TMTC1: variants seen among roughly 807,000 people sequenced by gnomAD.
TMTC1 encodes protein O-mannosyl-transferase TMTC1.
TMTC1 carries 73 observed loss-of-function variants against 104.8 expected under a neutral mutation model. The ratio of observed to expected loss-of-function variants is 0.70; its 90% CI spans 0.58 to 0.85. The LOEUF is 0.85. Among genes scored for constraint, TMTC1 ranks in the 40% least tolerant of loss-of-function variants. TMTC1 has a pLI of 0.00. For synonymous variants in TMTC1, 434 were observed against 428.7 expected (o/e 1.01, Z -0.15); for missense variants, 1,035 against 1,096.1 (o/e 0.94, Z 0.79).
At chr12:29,512,322 C>T (rs1424649588) in intron 16 of TMTC1, among the ~76,000 whole-genome samples, 1 of 152,158 alleles carries the variant, frequency 6.6e-6, no homozygotes, top group Non-Finnish European at 1.5e-5. Context: ...TGTATAATTT[C>T]CCTGCAGAGC....
At chr12:29,733,402 C>T (rs1346001114) in intron 5 of TMTC1, among the ~76,000 whole-genome samples, 1 of 152,154 alleles carries the variant, frequency 6.6e-6, no homozygotes, top group African/African-American at 2.4e-5. Context: ...GTGACTTAAT[C>T]ACCTATGAGA....
At chr12:29,736,261 CAA>C (rs367958905) in intron 5 of TMTC1, among the ~76,000 whole-genome samples, 9,105 of 88,534 alleles carry the variant, frequency 0.1, 590 homozygotes, top group African/African-American at 0.23. Flanking sequence ...TAGGTAAAGC[CAA>C]AAAAAAAAAA....
At chr12:29,777,905 T>C (rs1432102610) in intron 1 of TMTC1, among the ~76,000 whole-genome samples, 2 of 152,182 alleles carry the variant, frequency 1.3e-5, no homozygotes, top group African/African-American at 4.8e-5. Context: ...AGAAGTTGAA[T>C]GAAAAGGAAT....
chr12:29,571,211 A>G lies in TMTC1; in HGVS notation c.1532+894T>C, dbSNP rs532709530. The stretch of plus-strand genomic sequence containing the variant: ...TTCTGTGAGCATCATAGTATTTAAT[A>G]AAAGAGAGGATTAACCTTGCTTTAT... On this transcript the variant is annotated intron_variant, in intron 9 of 17. Transcript: ENST00000539277. Among the ~76,000 whole-genome samples the G allele has an allele frequency of 8.5e-5, 13 of 152,296 alleles. No homozygotes were observed. The South Asian group carries it at 2.5e-3, about 29-fold the overall frequency.
chr12:29,533,257 C>A (rs1435514925), intron 11 of TMTC1: 1 of 152,082 alleles, frequency 6.6e-6, no homozygotes, highest in African/African-American at 2.4e-5. Flanking sequence ...CTACTTTGCG[C>A]GAACAGATTA....
intron 6 of TMTC1, among the ~76,000 whole-genome samples, chr12:29,630,784 G>A (rs1938256181): frequency 6.6e-6 from 1 of 152,202 alleles, no homozygotes; most frequent in Non-Finnish European, 1.5e-5. Context: ...TTCAGTAGGT[G>A]GAGATAGGTA....
At chr12:29,690,809 A>G (rs1174579990) in intron 5 of TMTC1, among the ~76,000 whole-genome samples, 2 of 152,266 alleles carry the variant, frequency 1.3e-5, no homozygotes, top group East Asian at 3.8e-4. Flanking sequence ...GCATTCAGTA[A>G]TTGATTTAAG....
At chr12:29,602,175 TTC>T (rs1946585377) in intron 7 of TMTC1, among the ~76,000 whole-genome samples, 1 of 151,952 alleles carries the variant, frequency 6.6e-6, no homozygotes, top group South Asian at 2.1e-4. Flanking sequence ...CAGGGTCTGG[TTC>T]TGTCACCCAG....
chr12:29,774,907 T>G (rs1943673340), intron 1 of TMTC1, among the ~76,000 whole-genome samples: 1 of 152,130 alleles, frequency 6.6e-6, no homozygotes, highest in Admixed American at 6.5e-5. Context: ...TGAAGCAAAA[T>G]TCATGGCTTT....
chr12:29,505,498 A>AAACTT lies in TMTC1; in HGVS notation c.*1343_*1347dup, dbSNP rs1943677524. Reference sequence around the variant, plus strand: ...ACACAAAGTTTGGGAGGGACTGTTAAAACTTAACTATTTTACAATTTAGAT... The same window carrying AAACTT: ...ACACAAAGTTTGGGAGGGACTGTTAAAACTTAACTTAACTATTTTACAATTTAGAT... On this transcript the variant is annotated 3_prime_UTR_variant, in exon 18 of 18. Coordinates refer to ENST00000539277, the MANE Select transcript of TMTC1 (RefSeq NM_001193451.2). 2.0e-5 allele frequency: 3 copies of AAACTT among 152,214 alleles called. No individual in the cohort carries two copies. The highest frequency in any genetic ancestry group is 7.2e-5 in the African/African-American group (3 of 41,454). 9.4% of individuals were successfully genotyped at this position (152,214 alleles called of 1,614,324 possible).
chr12:29,522,584 G>A (rs299430), intron 11 of TMTC1, among the ~76,000 whole-genome samples: 102,145 of 150,978 alleles, frequency 0.68, 35,029 homozygotes, highest in Non-Finnish European at 0.7. Flanking sequence ...GTGTGTGTGT[G>A]TGTAATGAAG....
intron 11 of TMTC1, among the ~76,000 whole-genome samples, chr12:29,531,729 C>T (rs148137460): frequency 1.3e-5 from 2 of 152,316 alleles, no homozygotes; most frequent in East Asian, 3.9e-4. Flanking sequence ...ATCTTCTGTT[C>T]TCAGTTTTCT....
At chr12:29,572,950 G>A (rs1440246113) in intron 8 of TMTC1, among the ~76,000 whole-genome samples, 6 of 152,210 alleles carry the variant, frequency 3.9e-5, no homozygotes, top group African/African-American at 1.4e-4. Flanking sequence ...AACATGAGAT[G>A]TAACATGCAG....
At chr12:29,556,820 G>A (rs373149669) in intron 10 of TMTC1, 37 bp downstream of exon 10, 113 of 1,611,500 alleles carry the variant, frequency 7.0e-5, no homozygotes, top group Non-Finnish European at 7.6e-5. Flanking sequence ...TCTTGGAATC[G>A]CAAGGCCACC....
intron 6 of TMTC1, among the ~76,000 whole-genome samples, chr12:29,620,040 G>A (rs150489258): frequency 2.2e-3 from 332 of 152,256 alleles, no homozygotes; most frequent in African/African-American, 7.3e-3. Context: ...GAAATACATC[G>A]ACTCAAGAAA....
chr12:29,670,335 C>T (rs1940458000), intron 5 of TMTC1, among the ~76,000 whole-genome samples: 1 of 152,106 alleles, frequency 6.6e-6, no homozygotes, highest in Non-Finnish European at 1.5e-5. Flanking sequence ...CTACTGTGCC[C>T]CAGGCATGGT....
intron 6 of TMTC1, among the ~76,000 whole-genome samples, chr12:29,623,157 A>G (rs1481264538): frequency 6.6e-6 from 1 of 152,218 alleles, no homozygotes; most frequent in Non-Finnish European, 1.5e-5. Flanking sequence ...TCTAAAAAAG[A>G]AAGAATTTGT....
chr12:29,577,570 G>A (rs945539421), intron 8 of TMTC1, among the ~76,000 whole-genome samples: 5 of 152,094 alleles, frequency 3.3e-5, no homozygotes, highest in Non-Finnish European at 7.4e-5. Context: ...GATCCCTGGT[G>A]ACCATTTCAT....
In TMTC1 at chr12:29,692,976, C is replaced by G. The variant is rs182543712; in HGVS notation, c.938+58690G>C. Among the ~76,000 whole-genome samples the G allele has an allele frequency of 4.1e-3, 590 of 144,758 alleles. 66 individuals carry two copies. The highest frequency in any genetic ancestry group is 6.2e-3 in the Non-Finnish European group (410 of 66,110). 95.0% of individuals were successfully genotyped at this position (144,758 alleles called of 152,430 possible). On this transcript the variant is annotated intron_variant, in intron 5 of 17. Coordinates refer to ENST00000539277, the MANE Select transcript of TMTC1 (RefSeq NM_001193451.2). ...AAACAGAAAGCAGATGAGTGATTGCCTGGGGCTGGGATTAGGAGTGAAAAC... is the reference window on the plus strand; with the variant it reads ...AAACAGAAAGCAGATGAGTGATTGCGTGGGGCTGGGATTAGGAGTGAAAAC...
Sources: allele counts gnomAD v4.1 joint callset (sites outside exome capture counted in the v4.1 genomes callset), GRCh38; gene constraint gnomAD v4.1.1; transcripts MANE v1.5; gene names NCBI Gene and HGNC (gene_info 2026-07-23, HGNC 2026-07-21).